KIAA0586: variants seen among roughly 807,000 people sequenced by gnomAD.
KIAA0586 encodes KIAA0586.
Under a neutral mutation model 169.8 loss-of-function variants are expected in KIAA0586, and 144 were observed. The observed-to-expected ratio is 0.85, with a 90% CI of 0.74 to 0.97. The LOEUF (loss-of-function observed/expected upper bound fraction) is 0.97, where lower values mean the gene tolerates loss of function less well. KIAA0586 is among the 50% of genes least tolerant of loss of function. The pLI is 0.00. For synonymous variants in KIAA0586, 625 were observed against 612.4 expected, an observed-to-expected ratio of 1.02 and a Z score of -0.30; for missense variants, 1,854 against 1,823.0, an observed-to-expected ratio of 1.02 and a Z score of -0.31.
chr14:58,558,125 A>G, the KIAA0586 span, among the ~76,000 whole-genome samples: 4 of 151,856 alleles, frequency 2.6e-5, 1 homozygote. Context: ...TGGCCAGGCT[A>G]GTCTCAAATT....
In KIAA0586 at chr14:58,456,707, CTTCCTG is replaced by C; in HGVS notation, c.1261_1266del (p.Ser421_Cys422del). 11 of 1,579,468 alleles carry C rather than the reference CTTCCTG, an allele frequency of 7.0e-6. No individual in the cohort carries two copies. The highest frequency in any genetic ancestry group is 9.5e-6 in the Non-Finnish European group (11 of 1,156,508). Reference sequence around the variant, plus strand: ...GAAACTCTACCTTCTCAAAGATTTCCTTCCTGTGAAGAGCTAGAAACAACTAAAGTG... The same window carrying C: ...GAAACTCTACCTTCTCAAAGATTTCCTGAAGAGCTAGAAACAACTAAAGTG... On this transcript the variant is annotated inframe_deletion, in exon 10 of 31. Transcript: ENST00000652326.
the KIAA0586 span, among the ~76,000 whole-genome samples, chr14:58,557,495 C>G: frequency 6.6e-6 from 1 of 152,188 alleles, no homozygotes. Context: ...GCTAGTCAGC[C>G]TGCTGCTGGA....
At chr14:58,521,928 T>C (rs745759552) in intron 29 of KIAA0586, 2 of 1,379,720 alleles carry the variant, frequency 1.4e-6, no homozygotes, top group Non-Finnish European at 2.1e-6. Flanking sequence ...TCAAGGATGA[T>C]GAAAAAGAGG....
At chr14:58,466,753 T>G (rs2040803858) in intron 15 of KIAA0586, among the ~76,000 whole-genome samples, 1 of 152,174 alleles carries the variant, frequency 6.6e-6, no homozygotes. Flanking sequence ...TTTAAATATG[T>G]CATGGACATT....
chr14:58,441,633 GTTTTA>G (rs1321293095), intron 4 of KIAA0586, among the ~76,000 whole-genome samples: 4 of 152,010 alleles, frequency 2.6e-5, no homozygotes, highest in Admixed American at 6.6e-5. Flanking sequence ...CAAACTTTTT[GTTTTA>G]TTTTATTTTT....
At chr14:58,454,153 A>G (rs1260243207) in intron 9 of KIAA0586, among the ~76,000 whole-genome samples, 1 of 152,034 alleles carries the variant, frequency 6.6e-6, no homozygotes, top group Non-Finnish European at 1.5e-5. Context: ...TGGTTGCACC[A>G]TTTTAATTCT....
chr14:58,558,690 A>G, the KIAA0586 span, among the ~76,000 whole-genome samples: 2 of 152,256 alleles, frequency 1.3e-5, no homozygotes, highest in African/African-American at 4.8e-5. Flanking sequence ...GGAATGGAAG[A>G]CAAGATAGTA....
downstream of KIAA0586, among the ~76,000 whole-genome samples, chr14:58,555,091 CTTTCTTTCTTT>C (rs1385179699): frequency 1.5e-4 from 19 of 126,378 alleles, no homozygotes; most frequent in Admixed American, 9.8e-4. Context: ...ATTTCTTTTT[CTTTCTTTCTTT>C]TTTTTTTTTT....
intron 29 of KIAA0586, chr14:58,537,046 C>T (rs1417801830): frequency 1.4e-5 from 18 of 1,265,982 alleles, no homozygotes; most frequent in Non-Finnish European, 1.6e-5. Context: ...AACTGACAAA[C>T]TTGAGAAGCA....
intron 26 of KIAA0586, among the ~76,000 whole-genome samples, chr14:58,497,870 ATTTT>A: frequency 1.0e-5 from 1 of 95,246 alleles, no homozygotes; most frequent in East Asian, 3.1e-4. Flanking sequence ...AGTGGTTTTG[ATTTT>A]TTTTTTTTTT....
rs2041481138 is a variant in KIAA0586, at chr14:58,474,793, C to A, written c.2821C>A (p.Gln941Lys). The change falls in exon 19 of 31, where the codon CAA becomes AAA. Residue 941 changes from glutamine (Q) to lysine (K), a missense_variant. By Grantham distance (53) the Gln-to-Lys change is moderately conservative. Transcript: ENST00000652326. ...AGAAACACTGGAAAATAGCTTAATT[C>A]AATGGTAAGTTTATAATGTTTTTGG... ...RKETLENSLI[Q>K]WVEQEIMSRI... 1 of 1,589,640 alleles carries A rather than the reference C, an allele frequency of 6.3e-7. No homozygotes were observed. Among genetic ancestry groups the A allele is most frequent in the South Asian group, 1.1e-5 (1 of 88,052 alleles).
chr14:58,459,949 A>G lies in KIAA0586; in HGVS notation c.1763A>G (p.Asp588Gly), dbSNP rs1245685735. The stretch of plus-strand genomic sequence containing the variant: ...AAAGATATTAGAACCAACACACAAG[A>G]TAAAACTGTCAACAAATCTGTAATT... ...MTKDIRTNTQ[D>G]KTVNKSVIPR... Residue 588 changes from aspartate to glycine, a missense_variant, in exon 13 of 31, where the codon GAT becomes GGT. Coordinates refer to ENST00000652326, the MANE Select transcript of KIAA0586 (RefSeq NM_001329943.3). The G allele has an allele frequency of 2.0e-6, 3 of 1,533,388 alleles. No individual in the cohort carries two copies. The highest frequency in any genetic ancestry group is 2.7e-5 in the African/African-American group (2 of 73,002). The allele number at this position is 1,533,388 out of a possible 1,614,324, so 95.0% of individuals were successfully genotyped here.
chr14:58,430,570 C>T, intron 2 of KIAA0586, 78 bp from the exon 3 acceptor site: 4 of 816,964 alleles, frequency 4.9e-6, no homozygotes, highest in Middle Eastern at 3.5e-4. Context: ...ACAGTAGTCA[C>T]ATAGCTAGTA....
intron 15 of KIAA0586, among the ~76,000 whole-genome samples, chr14:58,467,266 T>A (rs1330703560): frequency 6.6e-6 from 1 of 152,150 alleles, no homozygotes; most frequent in Non-Finnish European, 1.5e-5. Flanking sequence ...ACAAATTGTA[T>A]AGCTAAGAAA....
At chr14:58,503,978 AAAT>A (rs1372709620) in intron 27 of KIAA0586, among the ~76,000 whole-genome samples, 4 of 152,142 alleles carry the variant, frequency 2.6e-5, no homozygotes, top group African/African-American at 9.7e-5. Flanking sequence ...ACAAAATGGG[AAAT>A]AATAACAGTC....
chr14:58,429,204 A>G (rs934246216), intron 1 of KIAA0586, among the ~76,000 whole-genome samples, 159 bp from the exon 2 acceptor site: 14 of 152,182 alleles, frequency 9.2e-5, no homozygotes, highest in African/African-American at 3.4e-4. Context: ...TTTCATTCAG[A>G]TATGTTTAAA....
intron 29 of KIAA0586, among the ~76,000 whole-genome samples, chr14:58,518,780 A>G (rs1595463461): frequency 6.6e-6 from 1 of 152,174 alleles, no homozygotes; most frequent in Admixed American, 6.5e-5. Flanking sequence ...CGTCTTATTC[A>G]TTTTAACCCA....
rs184564986 is a variant in KIAA0586 at position 58,500,479 on chromosome 14, C to T, written c.4168+1519C>T. 2.6e-5 allele frequency among the ~76,000 whole-genome samples: 4 copies of T among 152,128 alleles called. No homozygotes were observed. In the South Asian group the frequency reaches 6.2e-4, roughly 24 times the overall value. On this transcript the variant is annotated intron_variant, in intron 27 of 30. Transcript: ENST00000652326. ...CCAGCACTTTGGGAGGCCAAGGTGG[C>T]AGATCACCTGAGGTCAGGAGTTTAA...
At chr14:58,484,589 C>G (rs1471519758) in intron 21 of KIAA0586, among the ~76,000 whole-genome samples, 1 of 151,512 alleles carries the variant, frequency 6.6e-6, no homozygotes, top group African/African-American at 2.4e-5. Flanking sequence ...AGAATACCTT[C>G]AGATCCTTTC....
Sources: allele counts gnomAD v4.1 joint callset (sites outside exome capture counted in the v4.1 genomes callset), GRCh38; gene constraint gnomAD v4.1.1; transcripts MANE v1.5; gene names NCBI Gene and HGNC (gene_info 2026-07-23, HGNC 2026-07-21).